The following SND1 variants were observed in gnomAD, a reference collection of about 807,000 sequenced individuals.
SND1 encodes the protein staphylococcal nuclease and tudor domain containing 1, also known as staphylococcal nuclease domain-containing protein 1.
SND1 carries 38 observed loss-of-function variants against 121.7 expected under a neutral mutation model. The observed-to-expected ratio is 0.31, with a 90% CI of 0.24 to 0.41. SND1 has a LOEUF of 0.41. SND1 is among the 10% of genes least tolerant of loss of function. The probability of loss-of-function intolerance (pLI) is 1.00; values close to 1 mark genes in which losing one functional copy is unlikely to be tolerated. For missense variants in SND1, 868 were observed against 1,184.6 expected (o/e 0.73, Z 3.92); for synonymous variants, 401 against 447.4 (o/e 0.90, Z 1.31).
intron 12 of SND1, among the ~76,000 whole-genome samples, chr7:127,871,135 A>T (rs1237663165): frequency 6.6e-6 from 1 of 152,178 alleles, no homozygotes; most frequent in Non-Finnish European, 1.5e-5. Context: ...TTCAGGGGGC[A>T]ATAATGTAAA....
At chr7:127,758,818 G>A (rs1046892979) in intron 10 of SND1, among the ~76,000 whole-genome samples, 2 of 152,176 alleles carry the variant, frequency 1.3e-5, no homozygotes, top group Middle Eastern at 3.4e-3. Flanking sequence ...CTTTGGGGAG[G>A]CTGAGGCAGG....
In SND1 at chr7:127,766,510, T is replaced by G. The variant is rs1797411610; in HGVS notation, c.1153-40974T>G. ...CTTATCTTAGGCCGGGCGCGATGGC[T>G]CATGCCTTTAATCCCAGCACTTTGG... On this transcript the variant is annotated intron_variant, in intron 10 of 23. Coordinates refer to ENST00000354725, the MANE Select transcript of SND1 (RefSeq NM_014390.4). Among the ~76,000 whole-genome samples, 6 of 152,148 alleles carry G rather than the reference T, an allele frequency of 3.9e-5. No individual in the cohort carries two copies. In the South Asian group the frequency reaches 1.0e-3, roughly 26 times the overall value.
intron 16 of SND1, among the ~76,000 whole-genome samples, chr7:128,025,485 C>T (rs557144278): frequency 1.5e-4 from 23 of 152,342 alleles, no homozygotes; most frequent in Non-Finnish European, 3.1e-4. Flanking sequence ...TCCGTATCAT[C>T]AGCAAGAGTC....
At chr7:127,977,319 A>G (rs894975453) in intron 15 of SND1, among the ~76,000 whole-genome samples, 1 of 152,230 alleles carries the variant, frequency 6.6e-6, no homozygotes, top group African/African-American at 2.4e-5. Flanking sequence ...GACCTTAGAA[A>G]TGTTCAACCC....
intron 16 of SND1, among the ~76,000 whole-genome samples, chr7:128,014,542 G>A (rs1423315808): frequency 6.6e-6 from 1 of 152,212 alleles, no homozygotes; most frequent in African/African-American, 2.4e-5. Context: ...CCAAAGGCGG[G>A]TGGGAAGGCA....
rs111271918 is a variant in SND1 at position 127,756,472 on chromosome 7, T to G, written c.1152+35072T>G. ...GATCACAAATTAGAAAATAATATGG[T>G]GGGGGTATGTTTTCCTTTTTATCTT... is the stretch of plus-strand genomic sequence containing the variant. On this transcript the variant is annotated intron_variant, in intron 10 of 23. Transcript: ENST00000354725. Among the ~76,000 whole-genome samples the G allele has an allele frequency of 5.3e-5, 8 of 152,310 alleles. 1 individual carries two copies. Among genetic ancestry groups the G allele is most frequent in the African/African-American group, 1.9e-4 (8 of 41,568 alleles).
chr7:127,654,358 A>G (rs1795175746), intron 1 of SND1, among the ~76,000 whole-genome samples: 1 of 152,204 alleles, frequency 6.6e-6, no homozygotes, highest in South Asian at 2.1e-4. Flanking sequence ...TTTAGAAAGA[A>G]TAGTTAACCC....
At chr7:127,757,710 G>C (rs1218741888) in intron 10 of SND1, among the ~76,000 whole-genome samples, 1 of 152,164 alleles carries the variant, frequency 6.6e-6, no homozygotes, top group Non-Finnish European at 1.5e-5. Flanking sequence ...AAAGATTTTA[G>C]TTTTTGGAAT....
At chr7:127,923,844 A>G (rs965265204) in intron 14 of SND1, among the ~76,000 whole-genome samples, 2 of 152,206 alleles carry the variant, frequency 1.3e-5, no homozygotes, top group Admixed American at 6.5e-5. Context: ...ATGAGAGAGC[A>G]CATTTGCTTC....
At chr7:127,777,632 T>TA (rs2116511774) in intron 10 of SND1, among the ~76,000 whole-genome samples, 1 of 152,322 alleles carries the variant, frequency 6.6e-6, no homozygotes, top group Admixed American at 6.5e-5. Flanking sequence ...TGATATACTT[T>TA]AGTGTGGAAA....
intron 8 of SND1, among the ~76,000 whole-genome samples, chr7:127,706,039 T>C (rs1796188210): frequency 6.6e-6 from 1 of 152,220 alleles, no homozygotes; most frequent in Non-Finnish European, 1.5e-5. Context: ...TATTGTCTGA[T>C]GGAAAAGAAC....
chr7:128,006,040 A>G (rs1313931268), intron 16 of SND1, among the ~76,000 whole-genome samples: 1 of 152,164 alleles, frequency 6.6e-6, no homozygotes. Flanking sequence ...CATTCCCTTC[A>G]TGAGCCTTCA....
In SND1 at chr7:127,727,863, G is replaced by A. The variant is rs535737375; in HGVS notation, c.1152+6463G>A. On this transcript the variant is annotated intron_variant, in intron 10 of 23. Coordinates refer to ENST00000354725, the MANE Select transcript of SND1 (RefSeq NM_014390.4). ...AAAAATTACTATTAGAAGACTGTGG[G>A]TGGGTCTTAGCTCATCTATTTAAGA... Among the ~76,000 whole-genome samples the A allele has an allele frequency of 2.0e-5, 3 of 152,210 alleles. No homozygotes were observed. In the South Asian group the frequency reaches 6.2e-4, roughly 32 times the overall value.
intron 15 of SND1, among the ~76,000 whole-genome samples, chr7:127,959,833 G>A (rs1203949932): frequency 6.6e-6 from 1 of 152,160 alleles, no homozygotes; most frequent in Non-Finnish European, 1.5e-5. Flanking sequence ...CTGGCACATG[G>A]TAGGCACTTG....
intron 9 of SND1, among the ~76,000 whole-genome samples, chr7:127,712,257 T>C (rs1796310402): frequency 6.6e-6 from 1 of 152,080 alleles, no homozygotes; most frequent in East Asian, 1.9e-4. Flanking sequence ...CTCATGGGCT[T>C]AAGCGATCCT....
At chr7:128,020,004 A>G (rs1803309931) in intron 16 of SND1, among the ~76,000 whole-genome samples, 1 of 152,136 alleles carries the variant, frequency 6.6e-6, no homozygotes, top group Non-Finnish European at 1.5e-5. Context: ...GACCTCTAAC[A>G]TGATTTAGCT....
chr7:127,774,264 G>A (rs1289584910), intron 10 of SND1, among the ~76,000 whole-genome samples: 1 of 152,170 alleles, frequency 6.6e-6, no homozygotes, highest in Non-Finnish European at 1.5e-5. Flanking sequence ...CTAGGCTAAT[G>A]TGTATGTTTG....
chr7:127,961,918 A>T (rs985662439), intron 15 of SND1, among the ~76,000 whole-genome samples: 2 of 152,182 alleles, frequency 1.3e-5, no homozygotes, highest in Non-Finnish European at 2.9e-5. Context: ...GCCTCTTATC[A>T]TTACCTGTGA....
chr7:127,982,616 A>C (rs1277965718), intron 15 of SND1, among the ~76,000 whole-genome samples: 1 of 152,246 alleles, frequency 6.6e-6, no homozygotes, highest in African/African-American at 2.4e-5. Flanking sequence ...TTTTACTTCT[A>C]AACCTTTTAG....
Sources: gnomAD v4.1 joint callset for allele counts (sites outside exome capture counted in the v4.1 genomes callset) on GRCh38, gnomAD v4.1.1 for gene constraint, MANE v1.5 for transcripts, NCBI Gene and HGNC (gene_info 2026-07-23, HGNC 2026-07-21) for gene names.